The following ABHD2 variants were observed in gnomAD, a reference collection of about 807,000 sequenced individuals.
The protein encoded by ABHD2 is monoacylglycerol lipase ABHD2.
Under a neutral mutation model 48.1 loss-of-function variants are expected in ABHD2, and 20 were observed. The ratio of observed to expected loss-of-function variants is 0.42; its 90% CI spans 0.29 to 0.60. The LOEUF (loss-of-function observed/expected upper bound fraction) is 0.60. Among genes scored for constraint, ABHD2 ranks in the 20% least tolerant of loss-of-function variants. The pLI, the probability that ABHD2 is intolerant of heterozygous loss-of-function variation, is 0.24. For missense variants in ABHD2, 405 were observed against 550.9 expected (o/e 0.74, Z 2.65); for synonymous variants, 209 against 214.2 (o/e 0.98, Z 0.21).
At chr15:89,147,645 G>A (rs1292210445) in intron 3 of ABHD2, among the ~76,000 whole-genome samples, 1 of 151,422 alleles carries the variant, frequency 6.6e-6, no homozygotes, top group Non-Finnish European at 1.5e-5. Context: ...GAGCCACTGC[G>A]CCCGGCTGCA....
At position 89,170,233 on chromosome 15, in the gene ABHD2, C is replaced by T. The variant is rs189719898; in HGVS notation, c.539-5579C>T. On this transcript the variant is annotated intron_variant, in intron 5 of 10. Coordinates refer to ENST00000352732, the MANE Select transcript of ABHD2 (RefSeq NM_152924.5). ...ACCTCAGCCTCCCAAGTAGCTGGGACTACAGGCACGTGTCACCACTGCCTG... is the reference window on the plus strand; with the variant it reads ...ACCTCAGCCTCCCAAGTAGCTGGGATTACAGGCACGTGTCACCACTGCCTG... Among the ~76,000 whole-genome samples the T allele has an allele frequency of 2.5e-3, 374 of 151,444 alleles. 1 individual carries two copies. The highest frequency in any genetic ancestry group is 8.6e-3 in the African/African-American group (356 of 41,258).
At chr15:89,072,773 C>A in the ABHD2 span, among the ~76,000 whole-genome samples, 2 of 152,202 alleles carry the variant, frequency 1.3e-5, no homozygotes, top group East Asian at 3.9e-4. Context: ...CCTCTTCTTG[C>A]CCTCAATATG....
chr15:89,122,039 A>C (rs915727527), intron 3 of ABHD2, among the ~76,000 whole-genome samples: 1 of 152,168 alleles, frequency 6.6e-6, no homozygotes, highest in African/African-American at 2.4e-5. Context: ...TATGTTGCCC[A>C]GTCTGGTCTC....
At chr15:89,181,094 C>T (rs542945286) in intron 6 of ABHD2, among the ~76,000 whole-genome samples, 15 of 151,840 alleles carry the variant, frequency 9.9e-5, no homozygotes, top group South Asian at 4.2e-4. Flanking sequence ...GGTGTGGTGG[C>T]GCGCACCTGT....
In ABHD2 at chr15:89,151,668, T is replaced by C; in HGVS notation, c.195-9T>C. 6.2e-7 allele frequency: 1 copy of C among 1,611,264 alleles called. No individual in the cohort carries two copies. The highest frequency in any genetic ancestry group is 1.3e-5 in the African/African-American group (1 of 75,000). On this transcript the variant is annotated splice_polypyrimidine_tract_variant and intron_variant, in intron 3 of 10. Transcript: ENST00000352732. This position sits in a 1 kb window ranked among gnomAD's most constrained non-coding sequence, Gnocchi z 4.7. Reference sequence around the variant, plus strand: ...TAGAGAAAATTGACCTCCCTTGTCCTTTCTTTAGATACATTCCACCGTTGA... The same window carrying C: ...TAGAGAAAATTGACCTCCCTTGTCCCTTCTTTAGATACATTCCACCGTTGA...
chr15:89,130,532 T>C (rs1172008882), intron 3 of ABHD2, among the ~76,000 whole-genome samples: 1 of 152,208 alleles, frequency 6.6e-6, no homozygotes, highest in Non-Finnish European at 1.5e-5. Context: ...TCCTCATCCC[T>C]GTTTTTTGCT....
At chr15:89,135,458 A>G in intron 3 of ABHD2, 1 of 717,944 alleles carries the variant, frequency 1.4e-6, no homozygotes, top group Middle Eastern at 4.0e-4. Flanking sequence ...ACAGCCTTAC[A>G]TTTCAGTTTT....
At chr15:89,165,646 C>T (rs1433526012) in intron 5 of ABHD2, among the ~76,000 whole-genome samples, 2 of 152,020 alleles carry the variant, frequency 1.3e-5, no homozygotes, top group African/African-American at 2.4e-5. Flanking sequence ...AGGTAAACAA[C>T]CCTGTCATGT....
chr15:89,187,140 C>T (rs1273942734), intron 7 of ABHD2, among the ~76,000 whole-genome samples: 1 of 152,188 alleles, frequency 6.6e-6, no homozygotes, highest in East Asian at 1.9e-4. Context: ...AAGTCCAAGT[C>T]CTCTGTCTGC....
At chr15:89,181,507 C>T (rs1033522132) in intron 6 of ABHD2, among the ~76,000 whole-genome samples, 2 of 152,146 alleles carry the variant, frequency 1.3e-5, no homozygotes, top group Admixed American at 6.5e-5. Context: ...TCATACTGCC[C>T]TTGCCTTTTT....
chr15:89,123,634 A>C (rs141545754), intron 3 of ABHD2, among the ~76,000 whole-genome samples: 1 of 109,312 alleles, frequency 9.1e-6, no homozygotes, highest in Non-Finnish European at 1.7e-5. Flanking sequence ...GTCTCACTCT[A>C]TTACCCAGGT....
rs576798393 is a variant in ABHD2, at chr15:89,196,942, G to A, written c.*1519G>A. 1 of 152,786 alleles carries A rather than the reference G, an allele frequency of 6.5e-6. No homozygotes were observed. The highest frequency in any genetic ancestry group is 2.1e-4 in the South Asian group (1 of 4,830). 9.5% of individuals were successfully genotyped at this position (152,786 alleles called of 1,614,324 possible). On this transcript the variant is annotated 3_prime_UTR_variant, in exon 11 of 11. Coordinates refer to ENST00000352732, the MANE Select transcript of ABHD2 (RefSeq NM_152924.5). ...GCTATCTGGAACTAAACAGAACTAT[G>A]AGTAAAATTGCCTGGATACTTTAAA... is the stretch of plus-strand genomic sequence containing the variant.
At chr15:89,187,691 A>G (rs2051233923) in intron 7 of ABHD2, among the ~76,000 whole-genome samples, 1 of 152,230 alleles carries the variant, frequency 6.6e-6, no homozygotes. Flanking sequence ...GCTTTTATCT[A>G]AGACACTAGA....
At position 89,193,225 on chromosome 15, in the gene ABHD2, C is replaced by A. The variant is rs762269746; in HGVS notation, c.997-10C>A. 11 of 1,613,872 alleles carry A rather than the reference C, an allele frequency of 6.8e-6. No homozygotes were observed. Among genetic ancestry groups the A allele is most frequent in the Non-Finnish European group, 9.3e-6 (11 of 1,179,734 alleles). On this transcript the variant is annotated splice_polypyrimidine_tract_variant and intron_variant, in intron 9 of 10. Transcript: ENST00000352732. ...CAGTAGTTTAATTCTGCTTTATGTTCTTGTTGCAGATTTATGTTCCTCTCA... is the reference window on the plus strand; with the variant it reads ...CAGTAGTTTAATTCTGCTTTATGTTATTGTTGCAGATTTATGTTCCTCTCA...
the ABHD2 span, among the ~76,000 whole-genome samples, chr15:89,057,654 C>T: frequency 6.6e-6 from 1 of 152,150 alleles, no homozygotes; most frequent in East Asian, 1.9e-4. Flanking sequence ...GGGCTCACCC[C>T]CATTCCTGCT....
In ABHD2 at chr15:89,188,767, G is replaced by A. The variant is rs1007432542; in HGVS notation, c.926+464G>A. 2.0e-5 allele frequency among the ~76,000 whole-genome samples: 3 copies of A among 151,964 alleles called. No individual in the cohort carries two copies. On this transcript the variant is annotated intron_variant, in intron 8 of 10. Transcript: ENST00000352732. The surrounding 1 kb of genome is among the most constrained non-coding windows in gnomAD (Gnocchi z 4.1). Reference sequence around the variant, plus strand: ...TGTCTCATGCCTGTAATCCTAGGAGGATTTGGGAGGTCATGGGGGAAAGAT... The same window carrying A: ...TGTCTCATGCCTGTAATCCTAGGAGAATTTGGGAGGTCATGGGGGAAAGAT...
intron 2 of ABHD2, among the ~76,000 whole-genome samples, chr15:89,115,578 T>C (rs971257781): frequency 6.6e-6 from 1 of 152,200 alleles, no homozygotes; most frequent in South Asian, 2.1e-4. Context: ...TTTGGACTAA[T>C]GGCTATAGTC....
intron 9 of ABHD2, 117 bp downstream of exon 9, chr15:89,191,266 C>CTAAAAGAGCGGTTGGA: frequency 1.0e-6 from 1 of 988,700 alleles, no homozygotes; most frequent in Non-Finnish European, 1.5e-6. Flanking sequence ...TGGCTCCAAC[C>CTAAAAGAGCGGTTGGA]GCTCTTTTAG....
the ABHD2 span, among the ~76,000 whole-genome samples, chr15:89,064,219 CTTTTT>C: frequency 0.01 from 1,206 of 119,554 alleles, 14 homozygotes; most frequent in African/African-American, 0.038. Context: ...ACATTGTGTC[CTTTTT>C]TTTTTTTTTT....
Sources: gnomAD v4.1 joint callset for allele counts (sites outside exome capture counted in the v4.1 genomes callset) on GRCh38, gnomAD v4.1.1 for gene constraint, Gnocchi (gnomAD v3.1) non-coding constraint, MANE v1.5 for transcripts, NCBI Gene and HGNC (gene_info 2026-07-23, HGNC 2026-07-21) for gene names.